Variants in MPP7 observed in about 807,000 individuals in gnomAD.
MPP7 encodes the protein MAGUK p55 scaffold protein 7.
In MPP7, 60 loss-of-function variants were observed where a neutral mutation model predicts 76.5. The ratio of observed to expected loss-of-function variants is 0.78; its 90% CI spans 0.64 to 0.97. The LOEUF (loss-of-function observed/expected upper bound fraction) is 0.97, where lower values mean the gene tolerates loss of function less well. Among genes scored for constraint, MPP7 ranks in the 50% least tolerant of loss-of-function variants. MPP7 has a pLI of 0.00. For missense variants in MPP7, 641 were observed against 694.0 expected (o/e 0.92, Z 0.86); for synonymous variants, 237 against 244.5 (o/e 0.97, Z 0.29).
At chr10:28,065,027 T>C (rs1851935650) in intron 13 of MPP7, among the ~76,000 whole-genome samples, 1 of 152,242 alleles carries the variant, frequency 6.6e-6, no homozygotes, top group South Asian at 2.1e-4. Flanking sequence ...TAATATTCAT[T>C]CATTACTTAA....
upstream of MPP7, chr10:28,307,721 A>C (rs184182776): frequency 1.3e-5 from 2 of 152,338 alleles, no homozygotes; most frequent in African/African-American, 4.8e-5. Context: ...AGCTTCATTC[A>C]CAGTTAAACT....
In MPP7 at chr10:28,301,743, A is replaced by T. The variant is rs1231142747; in HGVS notation, c.-132+1118T>A. On this transcript the variant is annotated intron_variant, in intron 1 of 16. Transcript: ENST00000683449. ...GAGGATGGCATACTATATAATTGAT[A>T]GAGTGCTATGAGCTTCACGATTAAA... is the stretch of plus-strand genomic sequence containing the variant. Among the ~76,000 whole-genome samples, 10 of 152,196 alleles carry T rather than the reference A, an allele frequency of 6.6e-5. No homozygotes were observed. In the East Asian group the frequency reaches 1.9e-3, roughly 29 times the overall value.
rs147670270 is a variant in MPP7, at chr10:28,124,054, G to C, written c.592C>G (p.Pro198Ala). The C allele has an allele frequency of 5.9e-4, 943 of 1,610,214 alleles. 1 individual carries two copies. Among genetic ancestry groups the C allele is most frequent in the Admixed American group, 1.2e-3 (71 of 59,998 alleles). Reference sequence around the variant, plus strand: ...ACCAAAATCTGTATTATTTCCTCAGGCCTTTTATCCTCCACTGGTATCCCG... The same window carrying C: ...ACCAAAATCTGTATTATTTCCTCAGCCCTTTTATCCTCCACTGGTATCCCG... ...VNGIPVEDKR[P>A]EEIIQILAQS... The change falls in exon 8 of 17, where the codon CCT becomes GCT. Residue 198 changes from proline (P) to alanine (A), a missense_variant. Coordinates refer to ENST00000683449, the MANE Select transcript of MPP7 (RefSeq NM_001318170.2).
At chr10:28,278,156 T>A (rs1291366584) in intron 1 of MPP7, among the ~76,000 whole-genome samples, 1 of 152,084 alleles carries the variant, frequency 6.6e-6, no homozygotes, top group Non-Finnish European at 1.5e-5. Context: ...AAAATAAAGC[T>A]TTTAATAGCA....
At chr10:28,078,883 G>A (rs949893755) in intron 12 of MPP7, among the ~76,000 whole-genome samples, 4 of 152,110 alleles carry the variant, frequency 2.6e-5, no homozygotes, top group Admixed American at 6.5e-5. Flanking sequence ...TTAAGGTGTC[G>A]ATAAAATGTT....
At chr10:28,126,489 G>A (rs753033398) in intron 6 of MPP7, among the ~76,000 whole-genome samples, 3 of 152,122 alleles carry the variant, frequency 2.0e-5, no homozygotes, top group Non-Finnish European at 4.4e-5. Flanking sequence ...TTAAATGGTC[G>A]TAATTTGTCT....
At chr10:28,186,368 A>AAG (rs1224239302) in intron 3 of MPP7, among the ~76,000 whole-genome samples, 6 of 151,450 alleles carry the variant, frequency 4.0e-5, no homozygotes, top group South Asian at 2.1e-4. Flanking sequence ...AAGAGAAAGA[A>AAG]AGAGAGAGAG....
chr10:28,114,731 C>T (rs1271729680), intron 11 of MPP7, among the ~76,000 whole-genome samples: 1 of 152,214 alleles, frequency 6.6e-6, no homozygotes, highest in Non-Finnish European at 1.5e-5. Context: ...ACAGATCAGA[C>T]CCCTAAGAGT....
intron 1 of MPP7, among the ~76,000 whole-genome samples, chr10:28,297,974 G>A (rs897782770): frequency 2.6e-5 from 4 of 152,220 alleles, no homozygotes; most frequent in African/African-American, 4.8e-5. Context: ...TCATCCATTC[G>A]AGTTTGATAA....
chr10:28,204,404 T>C (rs1217327924), intron 2 of MPP7, among the ~76,000 whole-genome samples: 2 of 147,836 alleles, frequency 1.4e-5, no homozygotes, highest in Non-Finnish European at 3.0e-5. Flanking sequence ...GACCACACCA[T>C]TGCACTCCAG....
chr10:28,189,435 G>A (rs1470545737), intron 3 of MPP7, among the ~76,000 whole-genome samples: 1 of 152,014 alleles, frequency 6.6e-6, no homozygotes, highest in East Asian at 1.9e-4. Context: ...TGGGCATGGT[G>A]GCGCACGCCT....
chr10:28,150,430 G>C (rs1014577275), intron 3 of MPP7, among the ~76,000 whole-genome samples: 11 of 152,150 alleles, frequency 7.2e-5, no homozygotes, highest in African/African-American at 2.4e-4. Flanking sequence ...ATCAGTTGCA[G>C]CTTATATTCC....
At chr10:28,188,137 T>G (rs1837295763) in intron 3 of MPP7, among the ~76,000 whole-genome samples, 1 of 152,124 alleles carries the variant, frequency 6.6e-6, no homozygotes, top group Non-Finnish European at 1.5e-5. Context: ...TAATTTCACT[T>G]TACGAATTCA....
At position 28,202,190 on chromosome 10, in the gene MPP7, T is replaced by C. The variant is rs1029674385; in HGVS notation, c.119A>G (p.Asp40Gly). 4 of 1,613,578 alleles carry C rather than the reference T, an allele frequency of 2.5e-6. No homozygotes were observed. Among genetic ancestry groups the C allele is most frequent in the African/African-American group, 1.3e-5 (1 of 74,892 alleles). Residue 40 changes from aspartate (D) to glycine (G), a missense_variant, in exon 3 of 17, where the codon GAT becomes GGT. Asp to Gly is a moderately conservative substitution (Grantham distance 94). Transcript: ENST00000683449. ...DSQEDLTFLW[D>G]MFGEKSLHSL... is the part of the protein sequence containing the mutation. ...ATGCAGGCTTTTTTCACCAAACATATCCCAGAGGAAGGTCAGGTCTTCCTG... is the reference window on the plus strand; with the variant it reads ...ATGCAGGCTTTTTTCACCAAACATACCCCAGAGGAAGGTCAGGTCTTCCTG...
intron 2 of MPP7, among the ~76,000 whole-genome samples, chr10:28,221,316 A>AT (rs1297736811): frequency 1.3e-5 from 2 of 152,000 alleles, no homozygotes; most frequent in Non-Finnish European, 2.9e-5. Context: ...AACAGGTGAC[A>AT]TTTTTTTTAG....
chr10:28,063,567 G>A (rs1481417980), intron 13 of MPP7, among the ~76,000 whole-genome samples: 2 of 152,072 alleles, frequency 1.3e-5, no homozygotes, highest in Non-Finnish European at 2.9e-5. Context: ...TAGGAACCAG[G>A]CCACACAGAA....
chr10:28,056,525 C>A lies in MPP7; in HGVS notation c.1506G>T (p.Lys502Asn). 1.2e-6 allele frequency: 2 copies of A among 1,612,656 alleles called. No individual in the cohort carries two copies. Among genetic ancestry groups the A allele is most frequent in the Non-Finnish European group, 1.7e-6 (2 of 1,179,714 alleles). Residue 502 changes from lysine to asparagine, a missense_variant, in exon 16 of 17, where the codon AAG becomes AAT. Transcript: ENST00000683449. ...CTTGGTCATCTCTGCTTGAAATAATCTTTGCATTTTTTCTTGTTTCTCTCA... is the reference window on the plus strand; with the variant it reads ...CTTGGTCATCTCTGCTTGAAATAATATTTGCATTTTTTCTTGTTTCTCTCA... ...ERLRETRKNA[K>N]IISSRDDQGA...
intron 12 of MPP7, among the ~76,000 whole-genome samples, chr10:28,083,258 A>G (rs1852846299): frequency 6.6e-6 from 1 of 152,214 alleles, no homozygotes. Flanking sequence ...TAAGGAATAC[A>G]AAGAAGAAAG....
chr10:28,078,208 ACT>A (rs1480547956), intron 12 of MPP7, among the ~76,000 whole-genome samples: 1 of 152,122 alleles, frequency 6.6e-6, no homozygotes, highest in African/African-American at 2.4e-5. Flanking sequence ...AACTTCACGG[ACT>A]CTCTCATCCC....
Sources: gnomAD v4.1 joint callset for allele counts (sites outside exome capture counted in the v4.1 genomes callset) on GRCh38, gnomAD v4.1.1 for gene constraint, MANE v1.5 for transcripts, NCBI Gene and HGNC (gene_info 2026-07-23, HGNC 2026-07-21) for gene names.